Variants in CUL1 observed in about 807,000 individuals in gnomAD.
CUL1 encodes the protein cullin-1.
A neutral mutation model predicts 118.0 loss-of-function variants in CUL1; 24 were observed. The observed-to-expected ratio is 0.20, with a 90% CI of 0.15 to 0.29. The LOEUF is 0.29. Ranked by LOEUF, CUL1 falls within the 10% of genes least tolerant of loss-of-function variation. CUL1 has a pLI of 1.00. For synonymous variants in CUL1, 332 were observed against 340.4 expected, an observed-to-expected ratio of 0.98 and a Z score of 0.27; for missense variants, 361 against 933.8, an observed-to-expected ratio of 0.39 and a Z score of 7.99.
At position 148,748,894 on chromosome 7, in the gene CUL1, C is replaced by T. The variant is rs557049435; in HGVS notation, c.141-5082C>T. On this transcript the variant is annotated intron_variant, in intron 2 of 21. Transcript: ENST00000325222. ...AATCTAAACTGTTTAACTCTTAGAA[C>T]GAACAGTGGAAAAGAGAAAATATAA... Among the ~76,000 whole-genome samples, 5 of 151,918 alleles carry T rather than the reference C, an allele frequency of 3.3e-5. 1 individual carries two copies. Among genetic ancestry groups the T allele is most frequent in the African/African-American group, 9.7e-5 (4 of 41,424 alleles).
chr7:148,798,064 T>TC (rs1563172733), intron 19 of CUL1, 45 bp downstream of exon 19: 2 of 1,168,802 alleles, frequency 1.7e-6, no homozygotes, highest in East Asian at 2.5e-5. Context: ...CATAGACACG[T>TC]CCCCCGGGAG....
intron 7 of CUL1, among the ~76,000 whole-genome samples, chr7:148,762,406 A>G (rs552903374): frequency 4.5e-4 from 69 of 152,312 alleles, no homozygotes; most frequent in South Asian, 2.9e-3. Flanking sequence ...AAATGGAACT[A>G]TTCGGGGTAT....
rs375642555 is a variant in CUL1, at chr7:148,793,303, A to G, written c.1899+485A>G. ...TGCTAGCCATATTTTTTATTGAGAT[A>G]TATTTTAGATAATAAAATTTGACAT... On this transcript the variant is annotated intron_variant, in intron 17 of 21. Transcript: ENST00000325222. Among the ~76,000 whole-genome samples the G allele has an allele frequency of 1.6e-4, 24 of 152,198 alleles. No individual in the cohort carries two copies. The East Asian group carries it at 1.9e-3, about 12-fold the overall frequency.
intron 9 of CUL1, among the ~76,000 whole-genome samples, chr7:148,780,762 G>A (rs1173153091): frequency 6.6e-6 from 1 of 152,326 alleles, no homozygotes. Context: ...AAAAGCTCTC[G>A]TGAATACACA....
intron 7 of CUL1, among the ~76,000 whole-genome samples, chr7:148,761,684 C>T (rs1263334459): frequency 6.6e-6 from 1 of 152,150 alleles, no homozygotes; most frequent in Non-Finnish European, 1.5e-5. Context: ...CACAAAGCAG[C>T]CAGTGGGATA....
rs1311947691 is a variant in CUL1, at chr7:148,766,581, G to T, written c.810G>T (p.Glu270Asp). ...TCCAGGCAGAGGCTCGTCTGCTTGA[G>T]GAACAACGAAGAGTTCAGGTTTACC... ...YMKKAEARLL[E>D]EQRRVQVYLH... is the part of the protein sequence containing the mutation. The change falls in exon 8 of 22, where the codon GAG becomes GAT. Residue 270 changes from glutamate to aspartate, a missense_variant. Around this residue, in one of 7 missense-constraint regions of CUL1, gnomAD observed 169 missense variants for 429.7 expected, o/e 0.39. Coordinates refer to ENST00000325222, the MANE Select transcript of CUL1 (RefSeq NM_003592.3). 1 of 1,608,420 alleles carries T rather than the reference G, an allele frequency of 6.2e-7. No homozygotes were observed. Among genetic ancestry groups the T allele is most frequent in the Admixed American group, 1.7e-5 (1 of 59,008 alleles).
chr7:148,749,819 A>G (rs7810457), intron 2 of CUL1, among the ~76,000 whole-genome samples: 43,876 of 152,170 alleles, frequency 0.29, 7,263 homozygotes, highest in African/African-American at 0.45. Context: ...AGATAGGCCA[A>G]AAGCTAGGCC....
In CUL1 at chr7:148,759,327, C is replaced by T. The variant is rs1485114214; in HGVS notation, c.507C>T (p.Asp169=). 6.2e-7 allele frequency: 1 copy of T among 1,614,022 alleles called. No individual in the cohort carries two copies. Among genetic ancestry groups the T allele is most frequent in the Admixed American group, 1.7e-5 (1 of 60,022 alleles). ...IYSLALVTWR[D]CLFRPLNKQV... is the part of the protein sequence containing the mutation. ...AGCTTGCATTGGTGACTTGGAGAGA[C>T]TGTCTGTTCAGGCCACTGAATAAAC... is the stretch of plus-strand genomic sequence containing the variant. Residue 169 remains aspartate (D), a synonymous_variant, in exon 5 of 22, where the codon GAC becomes GAT. Coordinates refer to ENST00000325222, the MANE Select transcript of CUL1 (RefSeq NM_003592.3).
chr7:148,754,764 T>C (rs900593984), intron 3 of CUL1, among the ~76,000 whole-genome samples: 3 of 151,686 alleles, frequency 2.0e-5, no homozygotes, highest in African/African-American at 7.3e-5. Context: ...TTTTTTTTTT[T>C]AAGACAGGGT....
At chr7:148,703,129 G>A (rs1797770255) in intron 1 of CUL1, among the ~76,000 whole-genome samples, 1 of 152,206 alleles carries the variant, frequency 6.6e-6, no homozygotes. Context: ...ACTAGTTTAT[G>A]TGAAGATGGA....
intron 2 of CUL1, among the ~76,000 whole-genome samples, chr7:148,751,409 A>G (rs1383714903): frequency 1.3e-5 from 2 of 151,820 alleles, no homozygotes; most frequent in African/African-American, 4.8e-5. Context: ...TTAGCCAGGA[A>G]TGGTGGCAGG....
intron 10 of CUL1, 34 bp from the exon 11 acceptor site, chr7:148,783,937 G>A: frequency 1.2e-6 from 2 of 1,613,428 alleles, no homozygotes; most frequent in Non-Finnish European, 1.7e-6. Context: ...TATGGATGGG[G>A]CGTTTGTCTC....
intron 2 of CUL1, among the ~76,000 whole-genome samples, chr7:148,744,233 G>A (rs1241728141): frequency 4.6e-5 from 7 of 151,946 alleles, no homozygotes; most frequent in Admixed American, 2.6e-4. Flanking sequence ...TGTAGTTTTA[G>A]CCCATTAACA....
chr7:148,732,427 C>G (rs1343257086), intron 2 of CUL1, among the ~76,000 whole-genome samples: 2 of 150,766 alleles, frequency 1.3e-5, no homozygotes, highest in Non-Finnish European at 2.9e-5. Flanking sequence ...ACTGCAACCT[C>G]TGTCTCCCAG....
intron 17 of CUL1, among the ~76,000 whole-genome samples, chr7:148,796,501 CTA>C (rs1039702727): frequency 4.6e-5 from 7 of 152,162 alleles, no homozygotes; most frequent in Non-Finnish European, 8.8e-5. Flanking sequence ...TTTTGAATGA[CTA>C]TTTTGTAATC....
At chr7:148,790,650 C>G (rs1800971067) in intron 16 of CUL1, among the ~76,000 whole-genome samples, 1 of 152,060 alleles carries the variant, frequency 6.6e-6, no homozygotes, top group African/African-American at 2.4e-5. Flanking sequence ...TGATTGTGAG[C>G]CTCAGTTTTC....
intron 3 of CUL1, among the ~76,000 whole-genome samples, chr7:148,756,688 C>A (rs746246921): frequency 2.0e-5 from 3 of 151,916 alleles, no homozygotes; most frequent in Non-Finnish European, 2.9e-5. Context: ...TGGTATATTT[C>A]TTAATAAAAA....
intron 2 of CUL1, among the ~76,000 whole-genome samples, chr7:148,741,849 C>A (rs181682603): frequency 6.6e-6 from 1 of 152,242 alleles, no homozygotes; most frequent in East Asian, 1.9e-4. Context: ...GCTGGGATTG[C>A]GGGCATGAGC....
chr7:148,737,878 G>T (rs981532119), intron 2 of CUL1, among the ~76,000 whole-genome samples: 9 of 152,068 alleles, frequency 5.9e-5, no homozygotes, highest in African/African-American at 1.9e-4. Context: ...GATTACAGGG[G>T]TGAGCCACCA....
Sources: gnomAD v4.1 joint callset for allele counts (sites outside exome capture counted in the v4.1 genomes callset) on GRCh38, gnomAD v4.1.1 for gene constraint, gnomAD v4.1.1 regional missense constraint, MANE v1.5 for transcripts, NCBI Gene and HGNC (gene_info 2026-07-23, HGNC 2026-07-21) for gene names.